Variants in ANXA1 observed in about 807,000 individuals in gnomAD.
ANXA1 encodes annexin A1.
A neutral mutation model predicts 47.9 loss-of-function variants in ANXA1; 39 were observed. That is an observed-to-expected ratio of 0.81 (90% CI 0.63 to 1.06). The LOEUF is 1.06. Ranked by LOEUF, ANXA1 falls within the 50% of genes least tolerant of loss-of-function variation. ANXA1 has a pLI of 0.00. For missense variants in ANXA1, 446 were observed against 422.7 expected, an observed-to-expected ratio of 1.06 and a Z score of -0.48; for synonymous variants, 146 against 142.5, an observed-to-expected ratio of 1.02 and a Z score of -0.17.
chr9:73,158,532 A>G lies in ANXA1; in HGVS notation c.-4A>G. The G allele has an allele frequency of 6.2e-7, 1 of 1,613,410 alleles. No homozygotes were observed. The highest frequency in any genetic ancestry group is 8.5e-7 in the Non-Finnish European group (1 of 1,179,704). On this transcript the variant is annotated 5_prime_UTR_variant, in exon 2 of 13. Coordinates refer to ENST00000257497, the MANE Select transcript of ANXA1 (RefSeq NM_000700.3). ...CTGTTTTCTTTCCAGACACTTTTTC[A>G]AAAATGGCAATGGTATCAGAATTCC...
At chr9:73,156,125 A>AATAAT (rs1162842635) in intron 1 of ANXA1, among the ~76,000 whole-genome samples, 1 of 143,484 alleles carries the variant, frequency 7.0e-6, no homozygotes, top group African/African-American at 2.6e-5. Context: ...TAATAATAAT[A>AATAAT]AATAAATAAT....
At chr9:73,155,997 G>A (rs1216106542) in intron 1 of ANXA1, among the ~76,000 whole-genome samples, 1 of 148,788 alleles carries the variant, frequency 6.7e-6, no homozygotes, top group Non-Finnish European at 1.5e-5. Flanking sequence ...TTTTTATAAC[G>A]TTTATTTTGA....
At chr9:73,167,578 G>A (rs1284073932) in intron 11 of ANXA1, 23 bp downstream of exon 11, 2 of 1,598,722 alleles carry the variant, frequency 1.3e-6, no homozygotes, top group Admixed American at 1.7e-5. Context: ...CTACTTATAT[G>A]TCCTGCTTAG....
rs114196806 is a variant in ANXA1, at chr9:73,169,327, T to A, written c.984+173T>A. Among the ~76,000 whole-genome samples, 1,389 of 152,234 alleles carry A rather than the reference T, an allele frequency of 9.1e-3. 21 individuals are homozygous for A. The highest frequency in any genetic ancestry group is 0.031 in the African/African-American group (1,290 of 41,540). ...AACTTTCACTGGTAAAATCTACTAG[T>A]GAGTTCTCTACTGAAATACTGGGTA... On this transcript the variant is annotated intron_variant, in intron 12 of 12. Transcript: ENST00000257497.
intron 4 of ANXA1, 46 bp from the exon 5 acceptor site, chr9:73,160,217 G>T (rs1287308646): frequency 7.4e-7 from 1 of 1,356,892 alleles, no homozygotes; most frequent in Admixed American, 2.4e-5. Flanking sequence ...TTTTAACCTA[G>T]CATGTTACTT....
chr9:73,160,423 T>G (rs201927957), intron 5 of ANXA1, 47 bp downstream of exon 5: 2 of 1,323,428 alleles, frequency 1.5e-6, no homozygotes, highest in East Asian at 4.9e-5. Flanking sequence ...GAGGATGTAT[T>G]GGGCAAGTCA....
intron 1 of ANXA1, among the ~76,000 whole-genome samples, chr9:73,155,410 G>C (rs1824031724): frequency 6.6e-6 from 1 of 152,164 alleles, no homozygotes; most frequent in Non-Finnish European, 1.5e-5. Flanking sequence ...GAACTCATTG[G>C]CTTAGGCAGG....
chr9:73,155,040 G>A (rs1485121756), intron 1 of ANXA1, among the ~76,000 whole-genome samples: 1 of 152,096 alleles, frequency 6.6e-6, no homozygotes, highest in Non-Finnish European at 1.5e-5. Flanking sequence ...GAAGCGGGGG[G>A]ACTCTCTTAG....
chr9:73,158,885 A>C (rs1212992204), intron 3 of ANXA1, 82 bp downstream of exon 3: 4 of 1,073,660 alleles, frequency 3.7e-6, no homozygotes, highest in Non-Finnish European at 5.6e-6. Context: ...AGACATGTGC[A>C]ATGGAAAGAA....
At chr9:73,167,415 T>G in intron 10 of ANXA1, 82 bp from the exon 11 acceptor site, 1 of 1,353,884 alleles carries the variant, frequency 7.4e-7, no homozygotes, top group Non-Finnish European at 1.0e-6. Context: ...GTTGGCAAAA[T>G]TCTATATTTC....
chr9:73,158,605 A>G lies in ANXA1; in HGVS notation c.66+4A>G. On this transcript the variant is annotated splice_donor_region_variant and intron_variant, in intron 2 of 12. Transcript: ENST00000257497. ...AAATGAAGAGCAGGAATATGTTGTA[A>G]GTAGAGTGATAATAAAATTATGATT... The G allele has an allele frequency of 1.9e-6, 3 of 1,612,958 alleles. No homozygotes were observed. Among genetic ancestry groups the G allele is most frequent in the Non-Finnish European group, 2.5e-6 (3 of 1,179,122 alleles).
chr9:73,169,001 T>A lies in ANXA1; in HGVS notation c.862-31T>A, dbSNP rs1824279194. On this transcript the variant is annotated intron_variant, in intron 11 of 12. Transcript: ENST00000257497. ...TTTTAATGAGAGTATTTTCTGAATA[T>A]GAGACACTTACCCTCATTTATTTTG... The A allele has an allele frequency of 1.9e-6, 3 of 1,583,704 alleles. No homozygotes were observed. In the East Asian group the frequency reaches 6.7e-5, roughly 36 times the overall value.
rs892649931 is a variant in ANXA1 at position 73,160,257 on chromosome 9, T to A, written c.271-6T>A. On this transcript the variant is annotated splice_polypyrimidine_tract_variant and splice_region_variant and intron_variant, in intron 4 of 12. Coordinates refer to ENST00000257497, the MANE Select transcript of ANXA1 (RefSeq NM_000700.3). ...GAAGTCCTGATTCTAATCTTTTTTTTTGTAGCCCCTGGATGAAACACTGAA... is the reference window on the plus strand; with the variant it reads ...GAAGTCCTGATTCTAATCTTTTTTTATGTAGCCCCTGGATGAAACACTGAA... 6.5e-7 allele frequency: 1 copy of A among 1,543,694 alleles called. No homozygotes were observed. The highest frequency in any genetic ancestry group is 1.7e-4 in the Middle Eastern group (1 of 5,836).
Position 73,158,795 on chromosome 9 carries a change from T to A in ANXA1, c.167T>A (p.Met56Lys), listed in dbSNP as rs773421579. ...SDVAALHKAI[M>K]VKGVDEATII... The stretch of plus-strand genomic sequence containing the variant: ...GTCGCTGCCTTGCATAAGGCCATAA[T>A]GGTTAAAGGTAACGTGTTTCCTCAA... The change falls in exon 3 of 13, where the codon ATG (methionine) becomes AAG (lysine). Residue 56 changes from methionine to lysine, a missense_variant. Transcript: ENST00000257497. 1.2e-6 allele frequency: 2 copies of A among 1,613,414 alleles called. No homozygotes were observed. The highest frequency in any genetic ancestry group is 1.7e-6 in the Non-Finnish European group (2 of 1,179,478).
chr9:73,158,182 G>A (rs1343042250), intron 1 of ANXA1: 1 of 240,960 alleles, frequency 4.2e-6, no homozygotes, highest in Non-Finnish European at 8.3e-6. Context: ...GCATATGGTG[G>A]GTGGTCTACA....
intron 1 of ANXA1, among the ~76,000 whole-genome samples, chr9:73,153,632 A>T (rs1445767006): frequency 6.6e-6 from 1 of 152,210 alleles, no homozygotes; most frequent in African/African-American, 2.4e-5. Flanking sequence ...ATAATCAAGA[A>T]CCAGTATACT....
At chr9:73,154,366 T>C in intron 1 of ANXA1, 1 of 1,364,944 alleles carries the variant, frequency 7.3e-7, no homozygotes, top group Non-Finnish European at 9.8e-7. Context: ...AGAACACTGA[T>C]CATGTCATTT....
intron 1 of ANXA1, chr9:73,158,171 G>A (rs1824078542): frequency 4.4e-6 from 1 of 227,976 alleles, no homozygotes; most frequent in Admixed American, 5.2e-5. Context: ...CTTAGTGCTT[G>A]GCATATGGTG....
chr9:73,156,675 G>T (rs573066483), intron 1 of ANXA1, among the ~76,000 whole-genome samples: 1 of 152,314 alleles, frequency 6.6e-6, no homozygotes, highest in Non-Finnish European at 1.5e-5. Context: ...AATGGAAAGA[G>T]TTTGTCTGAA....
Sources: gnomAD v4.1 joint callset for allele counts (sites outside exome capture counted in the v4.1 genomes callset) on GRCh38, gnomAD v4.1.1 for gene constraint, MANE v1.5 for transcripts, NCBI Gene and HGNC (gene_info 2026-07-23, HGNC 2026-07-21) for gene names.